PTPN4: variants seen among roughly 807,000 people sequenced by gnomAD.
PTPN4 encodes protein tyrosine phosphatase non-receptor type 4.
In PTPN4, 49 loss-of-function variants were observed where a neutral mutation model predicts 135.5. The ratio of observed to expected loss-of-function variants is 0.36; its 90% CI spans 0.29 to 0.46. PTPN4 has a LOEUF of 0.46. Among genes scored for constraint, PTPN4 ranks in the 20% least tolerant of loss-of-function variants. The probability of loss-of-function intolerance (pLI) is 1.00; values close to 1 mark genes in which losing one functional copy is unlikely to be tolerated. For synonymous variants in PTPN4, 333 were observed against 369.9 expected, an observed-to-expected ratio of 0.90 and a Z score of 1.14; for missense variants, 860 against 1,101.0, an observed-to-expected ratio of 0.78 and a Z score of 3.10.
chr2:119,940,378 C>T (rs763636800), intron 15 of PTPN4, among the ~76,000 whole-genome samples: 8 of 152,078 alleles, frequency 5.3e-5, no homozygotes, highest in Admixed American at 2.6e-4. Flanking sequence ...GGGTTAAATG[C>T]GTAATTGAAG....
At chr2:119,843,715 A>G (rs1430587780) in intron 2 of PTPN4, among the ~76,000 whole-genome samples, 1 of 41,120 alleles carries the variant, frequency 2.4e-5, no homozygotes, top group African/African-American at 1.3e-4. Context: ...GGCGCCCCTC[A>G]CCTCCCGGAC....
chr2:119,845,033 T>A (rs1303834828), intron 2 of PTPN4, among the ~76,000 whole-genome samples: 3 of 149,346 alleles, frequency 2.0e-5, no homozygotes, highest in Admixed American at 1.3e-4. Context: ...GGCGGATCAC[T>A]CGCGGTTAGG....
At position 119,766,460 on chromosome 2, in the gene PTPN4, GTGTGTGTGTGTGTGTGTGTGTGTC is replaced by G. The variant is rs763844697; in HGVS notation, c.-18+6100_-18+6123del. Reference sequence around the variant, plus strand: ...TGCGCATGTGCGCGCGTGTGTGTGTGTGTGTGTGTGTGTGTGTGTGTGTCTGTGTGTGTGTGTGTGTGTGTGTGT... The same window carrying G: ...TGCGCATGTGCGCGCGTGTGTGTGTGTGTGTGTGTGTGTGTGTGTGTGTGT... On this transcript the variant is annotated intron_variant, in intron 1 of 26. Coordinates refer to ENST00000263708, the MANE Select transcript of PTPN4 (RefSeq NM_002830.4). Among the ~76,000 whole-genome samples the G allele has an allele frequency of 4.3e-3, 599 of 140,048 alleles. 4 individuals are homozygous for G. Among genetic ancestry groups the G allele is most frequent in the South Asian group, 0.011 (49 of 4,394 alleles). The allele number at this position is 140,048 out of a possible 152,430, so 91.9% of individuals were successfully genotyped here.
At chr2:119,820,595 C>A (rs1302324260) in intron 2 of PTPN4, among the ~76,000 whole-genome samples, 1 of 152,132 alleles carries the variant, frequency 6.6e-6, no homozygotes, top group Non-Finnish European at 1.5e-5. Context: ...GATGGATGTG[C>A]TCTGCTGATC....
rs938005673 is a variant in PTPN4, at chr2:119,984,287, A to G, written c.*7217A>G. Among the ~76,000 whole-genome samples the G allele has an allele frequency of 2.0e-5, 3 of 152,082 alleles. No individual in the cohort carries two copies. Among genetic ancestry groups the G allele is most frequent in the African/African-American group, 7.2e-5 (3 of 41,428 alleles). On this transcript the variant is annotated 3_prime_UTR_variant, in exon 27 of 27. Coordinates refer to ENST00000263708, the MANE Select transcript of PTPN4 (RefSeq NM_002830.4). ...TTATTTCTATGTGGAGGGTGTTTTAATTTGGGATTTTTTTTTTCTTGTAAC... is the reference window on the plus strand; with the variant it reads ...TTATTTCTATGTGGAGGGTGTTTTAGTTTGGGATTTTTTTTTTCTTGTAAC...
intron 15 of PTPN4, among the ~76,000 whole-genome samples, chr2:119,937,595 A>G (rs1679001627): frequency 1.3e-5 from 2 of 152,244 alleles, no homozygotes; most frequent in Non-Finnish European, 2.9e-5. Context: ...TTGTTGAAGC[A>G]TTTATAAGAA....
At chr2:119,878,889 C>T (rs1405589328) in intron 5 of PTPN4, among the ~76,000 whole-genome samples, 3 of 151,530 alleles carry the variant, frequency 2.0e-5, no homozygotes, top group Non-Finnish European at 4.4e-5. Context: ...GTCAGGAGAT[C>T]AAGAACATCC....
intron 18 of PTPN4, among the ~76,000 whole-genome samples, chr2:119,951,367 T>C (rs1286881165): frequency 6.6e-6 from 1 of 152,220 alleles, no homozygotes; most frequent in African/African-American, 2.4e-5. Flanking sequence ...CTTTCATCTT[T>C]TGTGATCAAT....
intron 8 of PTPN4, among the ~76,000 whole-genome samples, chr2:119,884,758 A>C (rs1678130687): frequency 6.6e-6 from 1 of 152,180 alleles, no homozygotes; most frequent in Non-Finnish European, 1.5e-5. Flanking sequence ...CTTTAACTGG[A>C]GGGAGTATAT....
chr2:119,879,257 T>G (rs1471168094), intron 5 of PTPN4, among the ~76,000 whole-genome samples: 1 of 152,222 alleles, frequency 6.6e-6, no homozygotes, highest in African/African-American at 2.4e-5. Context: ...GTGTTGATTC[T>G]TTTATAGCCT....
chr2:119,893,831 G>C (rs1678277108), intron 9 of PTPN4, among the ~76,000 whole-genome samples: 1 of 152,058 alleles, frequency 6.6e-6, no homozygotes, highest in African/African-American at 2.4e-5. Flanking sequence ...GATTAGAAAA[G>C]TGGAGGTCAC....
At chr2:119,850,055 G>A (rs1455617803) in intron 2 of PTPN4, among the ~76,000 whole-genome samples, 1 of 152,162 alleles carries the variant, frequency 6.6e-6, no homozygotes, top group African/African-American at 2.4e-5. Flanking sequence ...GTATTTCCCT[G>A]GTTATCTCTG....
intron 15 of PTPN4, among the ~76,000 whole-genome samples, chr2:119,942,861 G>A (rs72840413): frequency 0.021 from 3,166 of 152,174 alleles, 60 homozygotes; most frequent in Non-Finnish European, 0.033. Context: ...TTGAATCTAT[G>A]GGCCCTTAGA....
intron 1 of PTPN4, among the ~76,000 whole-genome samples, chr2:119,798,558 A>AT (rs1000768614): frequency 3.3e-5 from 5 of 152,222 alleles, no homozygotes; most frequent in African/African-American, 9.6e-5. Context: ...GATTTAGCAT[A>AT]TTTTTTCCCA....
intron 18 of PTPN4, among the ~76,000 whole-genome samples, chr2:119,946,873 G>A (rs745670358): frequency 7.2e-5 from 11 of 152,032 alleles, no homozygotes; most frequent in Non-Finnish European, 1.0e-4. Flanking sequence ...GTATAGTTTC[G>A]TGGGGGTTTT....
chr2:119,793,846 G>GTTTTTTTTTTTTTTTTTTTTTTTTTT lies in PTPN4; in HGVS notation c.-17-15987_-17-15962dup, dbSNP rs55956611. The stretch of plus-strand genomic sequence containing the variant: ...AGTTTGTTTATTTGTTTCATTTTTA[G>GTTTTTTTTTTTTTTTTTTTTTTTTTT]TTTTTTTTTTTTTTTTTTTTTTTTT... On this transcript the variant is annotated intron_variant, in intron 1 of 26. Coordinates refer to ENST00000263708, the MANE Select transcript of PTPN4 (RefSeq NM_002830.4). 1.2e-4 allele frequency among the ~76,000 whole-genome samples: 3 copies of GTTTTTTTTTTTTTTTTTTTTTTTTTT among 24,798 alleles called. 1 individual carries two copies. Among genetic ancestry groups the GTTTTTTTTTTTTTTTTTTTTTTTTTT allele is most frequent in the African/African-American group, 5.5e-4 (3 of 5,408 alleles). 16.3% of individuals were successfully genotyped at this position (24,798 alleles called of 152,430 possible). A position where few individuals can be genotyped will look rare whatever the true frequency, so the allele number is the denominator to read the frequency against.
intron 26 of PTPN4, among the ~76,000 whole-genome samples, chr2:119,968,998 T>A (rs532941259): frequency 2.0e-5 from 3 of 152,138 alleles, no homozygotes; most frequent in Non-Finnish European, 2.9e-5. Flanking sequence ...AATTGACCTA[T>A]GTGATCCAGT....
At chr2:119,915,385 G>C in intron 11 of PTPN4, 143 bp downstream of exon 11, 1 of 554,570 alleles carries the variant, frequency 1.8e-6, no homozygotes, top group South Asian at 3.7e-5. Flanking sequence ...GAATTCACTT[G>C]TTATAACAAA....
rs182721232 is a variant in PTPN4, at chr2:119,798,530, C to T, written c.-17-11307C>T. 2.4e-3 allele frequency among the ~76,000 whole-genome samples: 373 copies of T among 152,248 alleles called. 3 individuals are homozygous for T. In the East Asian group the frequency reaches 0.035, roughly 14 times the overall value. On this transcript the variant is annotated intron_variant, in intron 1 of 26. Coordinates refer to ENST00000263708, the MANE Select transcript of PTPN4 (RefSeq NM_002830.4). ...TAGATAATTTTATTTGATCTTCTTTCCCCTTTTAAAACATGAAGATTTAGC... is the reference window on the plus strand; with the variant it reads ...TAGATAATTTTATTTGATCTTCTTTTCCCTTTTAAAACATGAAGATTTAGC...
Sources: allele counts gnomAD v4.1 joint callset (sites outside exome capture counted in the v4.1 genomes callset), GRCh38; gene constraint gnomAD v4.1.1; transcripts MANE v1.5; gene names NCBI Gene and HGNC (gene_info 2026-07-23, HGNC 2026-07-21).